Variants in GALNTL6 observed in about 807,000 individuals in gnomAD.
The protein encoded by GALNTL6 is polypeptide N-acetylgalactosaminyltransferase like 6.
Under a neutral mutation model 73.7 loss-of-function variants are expected in GALNTL6, and 46 were observed. The observed-to-expected ratio is 0.62, with a 90% CI of 0.49 to 0.80. The LOEUF is 0.80. GALNTL6 is among the 30% of genes least tolerant of loss of function. GALNTL6 has a pLI of 0.00. For missense variants in GALNTL6, 604 were observed against 755.0 expected (o/e 0.80, Z 2.34); for synonymous variants, 259 against 263.7 (o/e 0.98, Z 0.17).
intron 8 of GALNTL6, among the ~76,000 whole-genome samples, chr4:172,892,434 T>G (rs995894122): frequency 2.6e-5 from 4 of 152,184 alleles, no homozygotes; most frequent in Non-Finnish European, 4.4e-5. Context: ...TTGTGGATAG[T>G]TTCCTGCTTT....
chr4:172,486,553 T>G (rs1038727562), intron 5 of GALNTL6, among the ~76,000 whole-genome samples: 10 of 152,232 alleles, frequency 6.6e-5, no homozygotes, highest in Admixed American at 6.5e-4. Flanking sequence ...AATGCCAGTC[T>G]CATTAGAAAC....
chr4:172,225,487 A>T (rs537787405), intron 2 of GALNTL6, among the ~76,000 whole-genome samples: 92 of 151,876 alleles, frequency 6.1e-4, no homozygotes, highest in African/African-American at 2.2e-3. Context: ...CCCAACCCAT[A>T]ATAAGCCTCA....
intron 5 of GALNTL6, among the ~76,000 whole-genome samples, chr4:172,785,972 T>G (rs1043600956): frequency 6.6e-6 from 1 of 152,202 alleles, no homozygotes; most frequent in Non-Finnish European, 1.5e-5. Context: ...GTCTTGCTCC[T>G]GAAGAATGTC....
At chr4:172,416,355 A>T (rs1730834285) in intron 5 of GALNTL6, among the ~76,000 whole-genome samples, 1 of 152,240 alleles carries the variant, frequency 6.6e-6, no homozygotes, top group African/African-American at 2.4e-5. Flanking sequence ...ATTCCGGCTT[A>T]CATCTAGACA....
intron 2 of GALNTL6, among the ~76,000 whole-genome samples, chr4:171,969,784 C>A (rs374455431): frequency 1.0e-5 from 1 of 100,110 alleles, no homozygotes; most frequent in South Asian, 2.8e-4. Context: ...TTTTTTTTTT[C>A]CTTGAGATGG....
chr4:173,005,415 G>A (rs759271805), intron 10 of GALNTL6, among the ~76,000 whole-genome samples: 20 of 152,182 alleles, frequency 1.3e-4, no homozygotes, highest in Middle Eastern at 6.8e-3. Context: ...TTAATATCCC[G>A]TGTCCTAAGT....
intron 5 of GALNTL6, among the ~76,000 whole-genome samples, chr4:172,592,519 A>G (rs1421514574): frequency 6.6e-6 from 1 of 152,200 alleles, no homozygotes; most frequent in Non-Finnish European, 1.5e-5. Flanking sequence ...GGAGCCCCAC[A>G]TCTGATCCAC....
At chr4:172,009,946 A>G (rs1334453771) in intron 2 of GALNTL6, among the ~76,000 whole-genome samples, 1 of 152,014 alleles carries the variant, frequency 6.6e-6, no homozygotes. Flanking sequence ...AAAGACTAGA[A>G]CTCTGTGTGA....
intron 5 of GALNTL6, among the ~76,000 whole-genome samples, chr4:172,515,605 G>T (rs2110802295): frequency 6.6e-6 from 1 of 152,368 alleles, no homozygotes; most frequent in South Asian, 2.1e-4. Flanking sequence ...AAAGAGGATT[G>T]AACACTGGGT....
chr4:172,219,073 A>T (rs1190508649), intron 2 of GALNTL6, among the ~76,000 whole-genome samples: 1 of 150,468 alleles, frequency 6.6e-6, no homozygotes, highest in African/African-American at 2.4e-5. Flanking sequence ...AAGAATATGA[A>T]ATTTCTGTCC....
At chr4:172,069,584 T>TATA (rs2110899302) in intron 2 of GALNTL6, among the ~76,000 whole-genome samples, 588 of 13,758 alleles carry the variant, frequency 0.043, 177 homozygotes, top group African/African-American at 0.053. Context: ...TGTTATATAT[T>TATA]ATATATATAA....
At chr4:172,384,759 A>C (rs1743401704) in intron 5 of GALNTL6, among the ~76,000 whole-genome samples, 1 of 152,020 alleles carries the variant, frequency 6.6e-6, no homozygotes, top group Non-Finnish European at 1.5e-5. Flanking sequence ...AGAATGCTTT[A>C]GCTGCATCCC....
chr4:172,617,692 AG>A (rs1738795171), intron 5 of GALNTL6, among the ~76,000 whole-genome samples: 1 of 151,886 alleles, frequency 6.6e-6, no homozygotes, highest in African/African-American at 2.4e-5. Flanking sequence ...CGTGTTAGCC[AG>A]GATGGTCTCA....
chr4:172,492,036 A>T (rs1027902206), intron 5 of GALNTL6, among the ~76,000 whole-genome samples: 1 of 151,934 alleles, frequency 6.6e-6, no homozygotes, highest in African/African-American at 2.4e-5. Context: ...ATGTTAGGCT[A>T]TAGGGTCATA....
rs1419066559 is a variant in GALNTL6, at chr4:171,970,260, G to A, written c.138+155542G>A. 3.3e-5 allele frequency among the ~76,000 whole-genome samples: 5 copies of A among 152,170 alleles called. No homozygotes were observed. In the East Asian group the frequency reaches 9.6e-4, roughly 29 times the overall value. The stretch of plus-strand genomic sequence containing the variant: ...CCTATGAACTGGAGAGAAATTCTAA[G>A]CTTAAATACTACCTACTGTAAATTT... On this transcript the variant is annotated intron_variant, in intron 2 of 12. Coordinates refer to ENST00000506823, the MANE Select transcript of GALNTL6 (RefSeq NM_001034845.3).
At chr4:172,353,892 G>T (rs919705946) in intron 5 of GALNTL6, among the ~76,000 whole-genome samples, 1 of 152,012 alleles carries the variant, frequency 6.6e-6, no homozygotes, top group African/African-American at 2.4e-5. Context: ...TTTCACAAAT[G>T]ATGATGTCAA....
At chr4:172,459,815 C>G (rs947571180) in intron 5 of GALNTL6, among the ~76,000 whole-genome samples, 1 of 152,106 alleles carries the variant, frequency 6.6e-6, no homozygotes, top group African/African-American at 2.4e-5. Context: ...TCAGTGTTAT[C>G]CCCATCAAGC....
intron 7 of GALNTL6, among the ~76,000 whole-genome samples, chr4:172,826,674 C>G (rs1191223683): frequency 6.6e-6 from 1 of 152,236 alleles, no homozygotes; most frequent in East Asian, 1.9e-4. Flanking sequence ...AGCCTCCAGA[C>G]TACCCATCCC....
intron 2 of GALNTL6, among the ~76,000 whole-genome samples, chr4:171,932,637 T>C (rs1427409088): frequency 6.6e-6 from 1 of 152,198 alleles, no homozygotes; most frequent in Admixed American, 6.5e-5. Context: ...CAAATTCATC[T>C]ACCTATTTCC....
Sources: allele counts gnomAD v4.1 joint callset (sites outside exome capture counted in the v4.1 genomes callset), GRCh38; gene constraint gnomAD v4.1.1; transcripts MANE v1.5; gene names NCBI Gene and HGNC (gene_info 2026-07-23, HGNC 2026-07-21).